The following PAK1 variants were observed in gnomAD, a reference collection of about 807,000 sequenced individuals.
PAK1 encodes serine/threonine-protein kinase PAK 1.
PAK1 carries 29 observed loss-of-function variants against 67.4 expected under a neutral mutation model. That is an observed-to-expected ratio of 0.43 (90% CI 0.32 to 0.59). The LOEUF (loss-of-function observed/expected upper bound fraction) is 0.59, where lower values mean the gene tolerates loss of function less well. Among genes scored for constraint, PAK1 ranks in the 20% least tolerant of loss-of-function variants. The pLI, the probability that PAK1 is intolerant of heterozygous loss-of-function variation, is 0.07. For synonymous variants in PAK1, 223 were observed against 237.4 expected, an observed-to-expected ratio of 0.94 and a Z score of 0.56; for missense variants, 337 against 670.7, an observed-to-expected ratio of 0.50 and a Z score of 5.50.
chr11:77,522,841 TTAGA>T, the PAK1 span, among the ~76,000 whole-genome samples: 3 of 152,096 alleles, frequency 2.0e-5, no homozygotes, highest in African/African-American at 7.2e-5. Context: ...CAATGGTGGA[TTAGA>T]TAAAGAAAAT....
intron 1 of PAK1, among the ~76,000 whole-genome samples, chr11:77,445,649 C>G (rs568626701): frequency 6.6e-6 from 1 of 152,334 alleles, no homozygotes; most frequent in Non-Finnish European, 1.5e-5. Context: ...ACTTTTCCTA[C>G]TTCCCTAATT....
At chr11:77,474,285 G>T (rs1958017615), upstream of PAK1, 1 of 152,126 alleles carries the variant, frequency 6.6e-6, no homozygotes, top group African/African-American at 2.4e-5. Context: ...AGGGGGCGGG[G>T]AGGGCCTGAC....
At chr11:77,395,603 C>A (rs1329916888) in intron 1 of PAK1, among the ~76,000 whole-genome samples, 1 of 151,968 alleles carries the variant, frequency 6.6e-6, no homozygotes. Flanking sequence ...CACACACAGA[C>A]ACACACACAA....
the PAK1 span, among the ~76,000 whole-genome samples, chr11:77,492,018 G>A: frequency 1.3e-5 from 2 of 152,230 alleles, no homozygotes; most frequent in Non-Finnish European, 2.9e-5. Flanking sequence ...TAAAAGTTGA[G>A]TGTTGCAACA....
Position 77,465,036 on chromosome 11 carries a change from G to A in PAK1, c.-22+8516C>T, listed in dbSNP as rs543908494. On this transcript the variant is annotated intron_variant, in intron 1 of 14. Coordinates refer to ENST00000356341, the MANE Select transcript of PAK1 (RefSeq NM_002576.5). ...TGTCTGTGTGTGTGTCTGTGTGTGT[G>A]TGAAGAATATACTCAGCAGCCATTC... Among the ~76,000 whole-genome samples the A allele has an allele frequency of 5.3e-5, 8 of 151,876 alleles. 1 individual carries two copies. The South Asian group carries it at 1.7e-3, about 32-fold the overall frequency.
intron 5 of PAK1, among the ~76,000 whole-genome samples, chr11:77,367,239 G>A (rs150601111): frequency 6.6e-6 from 1 of 152,086 alleles, no homozygotes. Flanking sequence ...AGGTGATGGC[G>A]GCACAACTCT....
chr11:77,520,844 G>T, the PAK1 span, among the ~76,000 whole-genome samples: 1 of 152,176 alleles, frequency 6.6e-6, no homozygotes, highest in Non-Finnish European at 1.5e-5. Context: ...CGCGGGGTAT[G>T]TAAGGGAGAG....
chr11:77,355,594 C>T (rs1168195448), intron 7 of PAK1, 74 bp downstream of exon 7: 3 of 1,280,278 alleles, frequency 2.3e-6, no homozygotes, highest in Non-Finnish European at 2.2e-6. Context: ...ATGGACCAAG[C>T]CTACGACCAG....
At chr11:77,443,754 C>T (rs1276517105) in intron 1 of PAK1, among the ~76,000 whole-genome samples, 1 of 152,032 alleles carries the variant, frequency 6.6e-6, no homozygotes, top group Admixed American at 6.6e-5. Flanking sequence ...AGAAGGCATT[C>T]AGGTACAACT....
chr11:77,395,984 G>A (rs1951779211), intron 1 of PAK1, among the ~76,000 whole-genome samples: 1 of 152,100 alleles, frequency 6.6e-6, no homozygotes, highest in Non-Finnish European at 1.5e-5. Context: ...TACACTCCCT[G>A]CAGCCATCTG....
In PAK1 at chr11:77,426,533, C is replaced by G. The variant is rs146723496; in HGVS notation, c.-21-33992G>C. ...CAAAACTTATAAACCTAGTAAATAT[C>G]AAGTTCATCACATTCTAAGGAGTTT... On this transcript the variant is annotated intron_variant, in intron 1 of 14. Coordinates refer to ENST00000356341, the MANE Select transcript of PAK1 (RefSeq NM_002576.5). Among the ~76,000 whole-genome samples the G allele has an allele frequency of 3.8e-4, 58 of 152,252 alleles. 1 individual carries two copies. In the East Asian group the frequency reaches 0.011, roughly 28 times the overall value.
intron 1 of PAK1, among the ~76,000 whole-genome samples, chr11:77,405,001 G>A (rs770204886): frequency 2.6e-5 from 4 of 152,172 alleles, no homozygotes; most frequent in African/African-American, 4.8e-5. Flanking sequence ...CGCATGCATG[G>A]GGCATGGTAC....
chr11:77,481,459 G>T, the PAK1 span, among the ~76,000 whole-genome samples: 2 of 151,858 alleles, frequency 1.3e-5, no homozygotes, highest in Non-Finnish European at 2.9e-5. Context: ...GGCGGATCAC[G>T]AGGTCAATAG....
chr11:77,429,364 C>T (rs1428169799), intron 1 of PAK1, among the ~76,000 whole-genome samples: 1 of 152,068 alleles, frequency 6.6e-6, no homozygotes, highest in Non-Finnish European at 1.5e-5. Flanking sequence ...GAAAGTTTGG[C>T]AACGAAACGG....
At chr11:77,414,295 G>C (rs1349781181) in intron 1 of PAK1, among the ~76,000 whole-genome samples, 1 of 152,206 alleles carries the variant, frequency 6.6e-6, no homozygotes, top group Admixed American at 6.5e-5. Flanking sequence ...TCAGTGAACA[G>C]AACCACATCT....
At chr11:77,492,995 C>T in the PAK1 span, among the ~76,000 whole-genome samples, 55 of 152,226 alleles carry the variant, frequency 3.6e-4, 1 homozygote, top group African/African-American at 1.2e-3. Context: ...ACTGCGTGCC[C>T]ATTAAACCTC....
chr11:77,447,535 CT>C lies in PAK1; in HGVS notation c.-22+26016del, dbSNP rs930087173. Among the ~76,000 whole-genome samples the C allele has an allele frequency of 3.3e-3, 471 of 144,468 alleles. 1 individual carries two copies. The highest frequency in any genetic ancestry group is 6.4e-3 in the African/African-American group (254 of 39,686). The allele number at this position is 144,468 out of a possible 152,430, so 94.8% of individuals were successfully genotyped here. A position where few individuals can be genotyped will look rare whatever the true frequency, so the allele number is the denominator to read the frequency against. On this transcript the variant is annotated intron_variant, in intron 1 of 14. Coordinates refer to ENST00000356341, the MANE Select transcript of PAK1 (RefSeq NM_002576.5). ...ATCTGCTAACAAGATGAAACAGATTCTTTTTTTTTTTTTCAGGGGAAGTCTC... is the reference window on the plus strand; with the variant it reads ...ATCTGCTAACAAGATGAAACAGATTCTTTTTTTTTTTTCAGGGGAAGTCTC...
chr11:77,389,108 C>G (rs1302294198), intron 2 of PAK1, among the ~76,000 whole-genome samples: 3 of 152,142 alleles, frequency 2.0e-5, no homozygotes, highest in Non-Finnish European at 4.4e-5. Flanking sequence ...CTCTGCAGCC[C>G]AAGGCAACCG....
At chr11:77,459,639 G>A (rs1282568819) in intron 1 of PAK1, among the ~76,000 whole-genome samples, 2 of 150,684 alleles carry the variant, frequency 1.3e-5, no homozygotes, top group African/African-American at 4.9e-5. Context: ...AAATGCCATC[G>A]CAGAAAATAA....
Sources: gnomAD v4.1 joint callset for allele counts (sites outside exome capture counted in the v4.1 genomes callset) on GRCh38, gnomAD v4.1.1 for gene constraint, MANE v1.5 for transcripts, NCBI Gene and HGNC (gene_info 2026-07-23, HGNC 2026-07-21) for gene names.